AMBRA1: variants seen among roughly 807,000 people sequenced by gnomAD.
AMBRA1 encodes activating molecule in BECN1-regulated autophagy protein 1.
In AMBRA1, 47 loss-of-function variants were observed where a neutral mutation model predicts 125.4. The observed-to-expected ratio is 0.37, with a 90% confidence interval of 0.30 to 0.48. The LOEUF is 0.48. AMBRA1 is among the 20% of genes least tolerant of loss of function. AMBRA1 has a pLI of 0.99. For synonymous variants in AMBRA1, 626 were observed against 655.5 expected, an observed-to-expected ratio of 0.95 and a Z score of 0.69; for missense variants, 1,331 against 1,693.4, an observed-to-expected ratio of 0.79 and a Z score of 3.76.
intron 14 of AMBRA1, chr11:46,428,721 C>T (rs1947282961): frequency 1.2e-6 from 2 of 1,607,968 alleles, no homozygotes; most frequent in Admixed American, 1.7e-5. Context: ...GCTGACCCAG[C>T]CCCAGCCTCG....
In AMBRA1 at chr11:46,593,984, A is replaced by G. The variant is rs1045706247; in HGVS notation, c.-277T>C. On this transcript the variant is annotated 5_prime_UTR_variant, in exon 1 of 18. Transcript: ENST00000683756. Reference sequence around the variant, plus strand: ...GGCCTCGCGGACAACTCAGCCCTCGACCCGGCGCCGCCGCCGCTCAGGAGA... The same window carrying G: ...GGCCTCGCGGACAACTCAGCCCTCGGCCCGGCGCCGCCGCCGCTCAGGAGA... The G allele has an allele frequency of 4.5e-5, 18 of 398,490 alleles. No individual in the cohort carries two copies. Among genetic ancestry groups the G allele is most frequent in the Admixed American group, 8.8e-5 (2 of 22,706 alleles). 24.7% of individuals were successfully genotyped at this position (398,490 alleles called of 1,614,324 possible). A position where few individuals can be genotyped will look rare whatever the true frequency, so the allele number is the denominator to read the frequency against.
At chr11:46,506,929 GC>G (rs1245203043) in intron 9 of AMBRA1, among the ~76,000 whole-genome samples, 1 of 151,450 alleles carries the variant, frequency 6.6e-6, no homozygotes, top group Non-Finnish European at 1.5e-5. Context: ...ACTTTGGGAG[GC>G]CAAGGCAGGC....
chr11:46,502,217 C>T (rs1228861321), intron 9 of AMBRA1, among the ~76,000 whole-genome samples: 1 of 152,110 alleles, frequency 6.6e-6, no homozygotes, highest in African/African-American at 2.4e-5. Context: ...GTAGCTGGGA[C>T]TATAGGTGGA....
chr11:46,591,818 C>T (rs1310846332), intron 1 of AMBRA1, among the ~76,000 whole-genome samples: 1 of 151,880 alleles, frequency 6.6e-6, no homozygotes, highest in Admixed American at 6.6e-5. Flanking sequence ...GATCGCACCA[C>T]TGCACTCCAG....
At chr11:46,525,128 T>C (rs1356818986) in intron 7 of AMBRA1, among the ~76,000 whole-genome samples, 1 of 151,776 alleles carries the variant, frequency 6.6e-6, no homozygotes, top group African/African-American at 2.4e-5. Context: ...TAGGGAGACC[T>C]CATCTCTACA....
At chr11:46,434,724 G>T in intron 13 of AMBRA1, 125 bp downstream of exon 13, 3 of 1,004,180 alleles carry the variant, frequency 3.0e-6, no homozygotes, top group Non-Finnish European at 2.8e-6. Context: ...TCTCTGGCCT[G>T]TGCCCCAGTG....
At chr11:46,461,490 G>T (rs1035945170) in intron 11 of AMBRA1, among the ~76,000 whole-genome samples, 1 of 152,214 alleles carries the variant, frequency 6.6e-6, no homozygotes, top group African/African-American at 2.4e-5. Flanking sequence ...ACAAAGGAAA[G>T]AACATTTATG....
chr11:46,551,992 C>T (rs1425395163), intron 1 of AMBRA1, among the ~76,000 whole-genome samples: 2 of 151,132 alleles, frequency 1.3e-5, no homozygotes, highest in African/African-American at 2.4e-5. Flanking sequence ...CGCACCACTG[C>T]ACTCCGGCCT....
intron 9 of AMBRA1, among the ~76,000 whole-genome samples, chr11:46,507,442 G>A (rs913786779): frequency 1.0e-4 from 15 of 148,596 alleles, no homozygotes; most frequent in Non-Finnish European, 2.1e-4. Flanking sequence ...TAGCGCCACT[G>A]CACTCCAGCC....
chr11:46,453,758 A>T (rs1035542553), intron 11 of AMBRA1, among the ~76,000 whole-genome samples: 1 of 152,154 alleles, frequency 6.6e-6, no homozygotes, highest in African/African-American at 2.4e-5. Flanking sequence ...GCTGTCTATA[A>T]TTCTGGCATA....
At chr11:46,470,864 A>G (rs1032104222) in intron 11 of AMBRA1, among the ~76,000 whole-genome samples, 1 of 152,226 alleles carries the variant, frequency 6.6e-6, no homozygotes, top group African/African-American at 2.4e-5. Context: ...ATGCCAGACA[A>G]TGAATAAAAC....
At chr11:46,506,093 T>C (rs1184241275) in intron 9 of AMBRA1, among the ~76,000 whole-genome samples, 2 of 152,124 alleles carry the variant, frequency 1.3e-5, no homozygotes, top group Non-Finnish European at 2.9e-5. Flanking sequence ...AAAAACCGTA[T>C]CTACAGGAGA....
intron 9 of AMBRA1, among the ~76,000 whole-genome samples, chr11:46,505,573 T>C (rs981436127): frequency 6.8e-6 from 1 of 147,126 alleles, no homozygotes; most frequent in African/African-American, 2.5e-5. Context: ...CCATTGTTAC[T>C]AACCAGGGAG....
intron 11 of AMBRA1, among the ~76,000 whole-genome samples, chr11:46,458,050 A>G (rs1318695587): frequency 6.6e-6 from 1 of 152,188 alleles, no homozygotes; most frequent in Non-Finnish European, 1.5e-5. Context: ...AATAAGTGAG[A>G]GAGAGCATGG....
At chr11:46,564,185 CT>C (rs1357321087) in intron 1 of AMBRA1, among the ~76,000 whole-genome samples, 1 of 149,218 alleles carries the variant, frequency 6.7e-6, no homozygotes, top group Non-Finnish European at 1.5e-5. Flanking sequence ...ATCTTAAAGC[CT>C]TCTTAAGTAC....
At chr11:46,465,280 A>G (rs1165704213) in intron 11 of AMBRA1, among the ~76,000 whole-genome samples, 1 of 152,068 alleles carries the variant, frequency 6.6e-6, no homozygotes, top group Non-Finnish European at 1.5e-5. Flanking sequence ...ACTCCCTGGT[A>G]CTTCCCCATG....
intron 1 of AMBRA1, among the ~76,000 whole-genome samples, chr11:46,549,429 T>C (rs2042922444): frequency 6.6e-6 from 1 of 152,204 alleles, no homozygotes; most frequent in African/African-American, 2.4e-5. Context: ...TTTGCCAAAT[T>C]TGCCTCATCT....
intron 14 of AMBRA1, chr11:46,428,865 G>T: frequency 6.2e-7 from 1 of 1,611,680 alleles, no homozygotes; most frequent in South Asian, 1.1e-5. Flanking sequence ...GGACGGCTAC[G>T]GCGTAGGATG....
intron 9 of AMBRA1, among the ~76,000 whole-genome samples, chr11:46,496,458 C>G (rs1950634534): frequency 6.6e-6 from 1 of 152,128 alleles, no homozygotes; most frequent in Non-Finnish European, 1.5e-5. Context: ...ATTCCACACC[C>G]ATGAGAGAGA....
Sources: gnomAD v4.1 joint callset for allele counts (sites outside exome capture counted in the v4.1 genomes callset) on GRCh38, gnomAD v4.1.1 for gene constraint, MANE v1.5 for transcripts, NCBI Gene and HGNC (gene_info 2026-07-23, HGNC 2026-07-21) for gene names.